UBE2H: variants seen among roughly 807,000 people sequenced by gnomAD.
The protein encoded by UBE2H is ubiquitin-conjugating enzyme E2 H.
A neutral mutation model predicts 29.0 loss-of-function variants in UBE2H; 3 were observed. The ratio of observed to expected loss-of-function variants is 0.10; its 90% CI spans 0.05 to 0.27. The LOEUF (loss-of-function observed/expected upper bound fraction) is 0.27, where lower values mean the gene tolerates loss of function less well. Ranked by LOEUF, UBE2H falls within the 10% of genes least tolerant of loss-of-function variation. UBE2H has a pLI of 1.00. For missense variants in UBE2H, 68 were observed against 228.2 expected (o/e 0.30, Z 4.52); for synonymous variants, 69 against 82.9 (o/e 0.83, Z 0.91).
intron 1 of UBE2H, among the ~76,000 whole-genome samples, chr7:129,882,189 C>T (rs574872497): frequency 5.3e-5 from 8 of 152,226 alleles, no homozygotes; most frequent in African/African-American, 1.9e-4. Context: ...GAGGACTACT[C>T]GTTTAAAATC....
intron 2 of UBE2H, 56 bp downstream of exon 2, chr7:129,880,839 T>TA: frequency 6.6e-7 from 1 of 1,504,736 alleles, no homozygotes; most frequent in Non-Finnish European, 9.1e-7. Flanking sequence ...GATATTCTAT[T>TA]AAGAAACAGA....
intron 1 of UBE2H, among the ~76,000 whole-genome samples, chr7:129,946,031 C>T (rs1584803601): frequency 6.6e-6 from 1 of 150,964 alleles, no homozygotes; most frequent in Non-Finnish European, 1.5e-5. Flanking sequence ...TAGGCATGAG[C>T]CACTGTGCCC....
rs1300543941 is a variant in UBE2H at position 129,880,882 on chromosome 7, C to A, written c.130+13G>T. 8 of 1,606,562 alleles carry A rather than the reference C, an allele frequency of 5.0e-6. No homozygotes were observed. The highest frequency in any genetic ancestry group is 6.8e-6 in the Non-Finnish European group (8 of 1,173,960). ...ACTGTAATAGAAGAACACATACCAA[C>A]ACATGTACTTACTTCCTTGTGGTCC... On this transcript the variant is annotated intron_variant, in intron 2 of 6. Coordinates refer to ENST00000355621, the MANE Select transcript of UBE2H (RefSeq NM_003344.4).
At chr7:129,880,099 T>C (rs1017212681) in intron 2 of UBE2H, among the ~76,000 whole-genome samples, 2 of 152,102 alleles carry the variant, frequency 1.3e-5, no homozygotes, top group African/African-American at 4.8e-5. Context: ...CAGTCAGCCC[T>C]CTATATCTGC....
intron 1 of UBE2H, among the ~76,000 whole-genome samples, chr7:129,908,411 T>C (rs907185789): frequency 3.9e-5 from 6 of 152,244 alleles, no homozygotes; most frequent in African/African-American, 1.4e-4. Context: ...ATGGGCCTAT[T>C]ATTGGAATAT....
At chr7:129,943,762 T>A (rs1484344233) in intron 1 of UBE2H, among the ~76,000 whole-genome samples, 1 of 151,702 alleles carries the variant, frequency 6.6e-6, no homozygotes, top group Admixed American at 6.6e-5. Flanking sequence ...ATTAGCTGGG[T>A]GTGGTGGCAG....
chr7:129,838,671 G>C (rs952095967), intron 6 of UBE2H, among the ~76,000 whole-genome samples: 13 of 152,012 alleles, frequency 8.6e-5, no homozygotes, highest in Non-Finnish European at 1.0e-4. Context: ...ACAGAATCTT[G>C]CTCTGTCACC....
intron 1 of UBE2H, among the ~76,000 whole-genome samples, chr7:129,937,277 C>T (rs1456291566): frequency 6.6e-6 from 1 of 151,602 alleles, no homozygotes; most frequent in African/African-American, 2.4e-5. Context: ...TGCAGTGAGC[C>T]GAGATCACAC....
At chr7:129,844,408 T>G (rs1357707231) in intron 5 of UBE2H, among the ~76,000 whole-genome samples, 1 of 152,032 alleles carries the variant, frequency 6.6e-6, no homozygotes, top group Non-Finnish European at 1.5e-5. Flanking sequence ...AAACTATAAA[T>G]CAAGAATAAA....
At chr7:129,867,189 G>A (rs1805921452) in intron 3 of UBE2H, among the ~76,000 whole-genome samples, 1 of 152,032 alleles carries the variant, frequency 6.6e-6, no homozygotes, top group South Asian at 2.1e-4. Flanking sequence ...ACAGCCCCAG[G>A]AGGTCCTGAG....
At chr7:129,855,471 G>A (rs1241909733) in intron 5 of UBE2H, among the ~76,000 whole-genome samples, 2 of 152,182 alleles carry the variant, frequency 1.3e-5, no homozygotes, top group Non-Finnish European at 2.9e-5. Flanking sequence ...AGCTCGGAGT[G>A]TATGTTCTTT....
intron 1 of UBE2H, among the ~76,000 whole-genome samples, chr7:129,937,238 A>G (rs1446553048): frequency 6.6e-6 from 1 of 152,072 alleles, no homozygotes; most frequent in African/African-American, 2.4e-5. Flanking sequence ...CTGAGGCAGG[A>G]GAATGGCGTG....
intron 5 of UBE2H, among the ~76,000 whole-genome samples, chr7:129,843,347 C>G (rs55798026): frequency 0.065 from 9,495 of 145,384 alleles, 370 homozygotes; most frequent in Non-Finnish European, 0.093. Flanking sequence ...TTACATAGTG[C>G]TTACTACAAG....
intron 1 of UBE2H, among the ~76,000 whole-genome samples, chr7:129,930,454 T>G (rs982732701): frequency 2.0e-5 from 3 of 148,866 alleles, no homozygotes; most frequent in African/African-American, 7.4e-5. Flanking sequence ...GTGAGCCACC[T>G]CATGCGGTCT....
intron 1 of UBE2H, among the ~76,000 whole-genome samples, chr7:129,939,491 C>A (rs948058840): frequency 2.0e-5 from 3 of 152,152 alleles, no homozygotes; most frequent in African/African-American, 7.2e-5. Flanking sequence ...GCAGTAAGAC[C>A]ATGAAAACAT....
chr7:129,896,426 G>T (rs1806602478), intron 1 of UBE2H, among the ~76,000 whole-genome samples: 1 of 151,936 alleles, frequency 6.6e-6, no homozygotes, highest in African/African-American at 2.4e-5. Flanking sequence ...TTGAAACAGG[G>T]TCTCACTCTG....
Position 129,920,848 on chromosome 7 carries a change from CAAAA to C in UBE2H, c.53+31651_53+31654del, listed in dbSNP as rs11347186. On this transcript the variant is annotated intron_variant, in intron 1 of 6. Coordinates refer to ENST00000355621, the MANE Select transcript of UBE2H (RefSeq NM_003344.4). ...TAATAAACAAATGACTAGAAAAAGT[CAAAA>C]AAAAAAAAAAAAAAAAAAGCAATCT... 9.6e-3 allele frequency among the ~76,000 whole-genome samples: 714 copies of C among 73,998 alleles called. 12 individuals are homozygous for C. The highest frequency in any genetic ancestry group is 0.032 in the African/African-American group (634 of 19,520). The allele number at this position is 73,998 out of a possible 152,430, so 48.5% of individuals were successfully genotyped here. A position where few individuals can be genotyped will look rare whatever the true frequency, so the allele number is the denominator to read the frequency against.
intron 1 of UBE2H, among the ~76,000 whole-genome samples, chr7:129,930,927 A>AAAC (rs1807380339): frequency 6.9e-6 from 1 of 145,066 alleles, no homozygotes; most frequent in Non-Finnish European, 1.5e-5. Context: ...AAAAAAAAAA[A>AAAC]AAAAAACAAG....
intron 1 of UBE2H, among the ~76,000 whole-genome samples, chr7:129,902,533 T>C (rs1005058034): frequency 6.6e-6 from 1 of 152,078 alleles, no homozygotes; most frequent in Admixed American, 6.5e-5. Flanking sequence ...CAAGTGAGAA[T>C]AAGGGAGGCT....
Sources: gnomAD v4.1 joint callset for allele counts (sites outside exome capture counted in the v4.1 genomes callset) on GRCh38, gnomAD v4.1.1 for gene constraint, MANE v1.5 for transcripts, NCBI Gene and HGNC (gene_info 2026-07-23, HGNC 2026-07-21) for gene names.